Variants in B4GALT5 observed in about 807,000 individuals in gnomAD.
The protein encoded by B4GALT5 is beta-1,4-galactosyltransferase 5.
A neutral mutation model predicts 45.0 loss-of-function variants in B4GALT5; 11 were observed. The ratio of observed to expected loss-of-function variants is 0.24; its 90% CI spans 0.15 to 0.40. The LOEUF (loss-of-function observed/expected upper bound fraction) is 0.40. Among genes scored for constraint, B4GALT5 ranks in the 10% least tolerant of loss-of-function variants. The pLI is 1.00. For missense variants in B4GALT5, 337 were observed against 500.2 expected (o/e 0.67, Z 3.11); for synonymous variants, 185 against 182.9 (o/e 1.01, Z -0.09).
At chr20:49,685,471 G>C (rs970929258) in intron 1 of B4GALT5, among the ~76,000 whole-genome samples, 3 of 152,128 alleles carry the variant, frequency 2.0e-5, no homozygotes, top group African/African-American at 7.2e-5. Flanking sequence ...CAACTGCTGA[G>C]CCTCAAAAGT....
chr20:49,644,105 T>G (rs1457562825), intron 3 of B4GALT5, among the ~76,000 whole-genome samples: 1 of 151,954 alleles, frequency 6.6e-6, no homozygotes, highest in Non-Finnish European at 1.5e-5. Flanking sequence ...TTTTGTATTT[T>G]TAGTAGAGAT....
At chr20:49,661,119 G>C (rs1248950544) in intron 1 of B4GALT5, among the ~76,000 whole-genome samples, 1 of 152,206 alleles carries the variant, frequency 6.6e-6, no homozygotes, top group Admixed American at 6.5e-5. Context: ...GTTTATTTTA[G>C]ATTAGGAAGT....
At chr20:49,656,441 A>G (rs1250838686) in intron 2 of B4GALT5, 127 bp downstream of exon 2, 3 of 1,216,342 alleles carry the variant, frequency 2.5e-6, no homozygotes, top group African/African-American at 1.5e-5. Context: ...TTTTAGCAGT[A>G]AAGTAAAACT....
intron 1 of B4GALT5, among the ~76,000 whole-genome samples, chr20:49,670,615 G>A (rs1245705098): frequency 2.0e-5 from 3 of 152,148 alleles, no homozygotes; most frequent in African/African-American, 7.2e-5. Flanking sequence ...CTTCAACACT[G>A]AACTGCTATC....
intron 1 of B4GALT5, among the ~76,000 whole-genome samples, chr20:49,678,669 A>T (rs74535026): frequency 2.0e-5 from 3 of 152,342 alleles, no homozygotes; most frequent in African/African-American, 7.2e-5. Flanking sequence ...ACATTCTCTC[A>T]AACTTCCTCC....
intron 1 of B4GALT5, among the ~76,000 whole-genome samples, chr20:49,676,465 G>A (rs117301332): frequency 1.3e-5 from 2 of 152,278 alleles, no homozygotes; most frequent in Non-Finnish European, 2.9e-5. Flanking sequence ...ATTTATGCTA[G>A]GAGCAGAAAT....
At chr20:49,702,648 A>T in intron 1 of B4GALT5, among the ~76,000 whole-genome samples, 1 of 152,048 alleles carries the variant, frequency 6.6e-6, no homozygotes, top group Non-Finnish European at 1.5e-5. Context: ...TCAGTCCACG[A>T]GTTTGAGACC....
chr20:49,676,931 C>T (rs2085739905), intron 1 of B4GALT5, among the ~76,000 whole-genome samples: 1 of 152,204 alleles, frequency 6.6e-6, no homozygotes, highest in African/African-American at 2.4e-5. Context: ...TGTATTCCAC[C>T]TATGTAATCA....
chr20:49,643,544 A>C lies in B4GALT5; in HGVS notation c.471T>G (p.Asp157Glu). The C allele has an allele frequency of 6.2e-7, 1 of 1,614,048 alleles. No individual in the cohort carries two copies. The highest frequency in any genetic ancestry group is 1.1e-5 in the South Asian group (1 of 91,064). The change falls in exon 4 of 9, where the codon GAT (aspartate) becomes GAG (glutamate). Residue 157 changes from aspartate to glutamate, a missense_variant. Physicochemically the swap from Asp to Glu is conservative, Grantham distance 45 (BLOSUM62 2). This residue lies in a region of B4GALT5 where 174 missense variants were observed against 207.4 expected (regional missense o/e 0.84). Transcript: ENST00000371711. Reference sequence around the variant, plus strand: ...ACCCTACCTTCCACCGAGGCATGCAATCAGAAGGCTTCCAGTGACCTCCGA... The same window carrying C: ...ACCCTACCTTCCACCGAGGCATGCACTCAGAAGGCTTCCAGTGACCTCCGA... ...IKLGGHWKPS[D>E]CMPRWKVAIL...
Position 49,689,396 on chromosome 20 carries a change from C to T in B4GALT5, c.115+24180G>A, listed in dbSNP as rs1212786925. Among the ~76,000 whole-genome samples the T allele has an allele frequency of 2.0e-5, 3 of 152,248 alleles. No individual in the cohort carries two copies. In the East Asian group the frequency reaches 5.8e-4, roughly 29 times the overall value. The stretch of plus-strand genomic sequence containing the variant: ...TGATTCAATGGATCCGTTTCTGCCC[C>T]GTGGGAACTACAATTTCACAGATAC... On this transcript the variant is annotated intron_variant, in intron 1 of 8. Transcript: ENST00000371711.
chr20:49,652,404 G>C (rs1455420541), intron 2 of B4GALT5, among the ~76,000 whole-genome samples: 1 of 151,456 alleles, frequency 6.6e-6, no homozygotes, highest in Non-Finnish European at 1.5e-5. Flanking sequence ...ATATATACTA[G>C]AAAGATGCCA....
At chr20:49,661,751 G>A (rs1161900010) in intron 1 of B4GALT5, among the ~76,000 whole-genome samples, 1 of 152,206 alleles carries the variant, frequency 6.6e-6, no homozygotes, top group Non-Finnish European at 1.5e-5. Context: ...CTGAATAGAT[G>A]AGTAATGTAT....
At position 49,634,194 on chromosome 20, in the gene B4GALT5, C is replaced by G. The variant is rs1412983490; in HGVS notation, c.*2118G>C. 1 of 152,320 alleles carries G rather than the reference C, an allele frequency of 6.6e-6. No homozygotes were observed. The highest frequency in any genetic ancestry group is 6.6e-5 in the Admixed American group (1 of 15,234). 9.4% of individuals were successfully genotyped at this position (152,320 alleles called of 1,614,324 possible). A position where few individuals can be genotyped will look rare whatever the true frequency, so the allele number is the denominator to read the frequency against. ...TCTATTCTTCAAAAGAACAAAAACACAAACAAACAAACAAACAAAACAAGG... is the reference window on the plus strand; with the variant it reads ...TCTATTCTTCAAAAGAACAAAAACAGAAACAAACAAACAAACAAAACAAGG... On this transcript the variant is annotated 3_prime_UTR_variant, in exon 9 of 9. Coordinates refer to ENST00000371711, the MANE Select transcript of B4GALT5 (RefSeq NM_004776.4).
chr20:49,673,390 C>A (rs2085724165), intron 1 of B4GALT5, among the ~76,000 whole-genome samples: 1 of 142,900 alleles, frequency 7.0e-6, no homozygotes. Flanking sequence ...AAAAAAAAAA[C>A]AACCAGAAAA....
intron 1 of B4GALT5, among the ~76,000 whole-genome samples, chr20:49,662,576 T>G (rs1168741668): frequency 6.6e-6 from 1 of 152,190 alleles, no homozygotes; most frequent in East Asian, 1.9e-4. Flanking sequence ...CCCTTCTCTT[T>G]ATTTTGCATT....
At chr20:49,647,690 C>T (rs2085604924) in intron 2 of B4GALT5, among the ~76,000 whole-genome samples, 1 of 152,206 alleles carries the variant, frequency 6.6e-6, no homozygotes, top group Non-Finnish European at 1.5e-5. Flanking sequence ...TTTCTGTTTG[C>T]TCAGTTTTAT....
intron 2 of B4GALT5, among the ~76,000 whole-genome samples, chr20:49,650,058 A>C (rs1293486125): frequency 1.3e-5 from 2 of 152,222 alleles, no homozygotes. Context: ...AACATGAGGC[A>C]AGAGACAAGA....
intron 1 of B4GALT5, among the ~76,000 whole-genome samples, chr20:49,668,321 C>T (rs376278995): frequency 6.6e-6 from 1 of 152,036 alleles, no homozygotes; most frequent in African/African-American, 2.4e-5. Flanking sequence ...AATTATTAAA[C>T]TGTACATAAG....
At position 49,636,364 on chromosome 20, in the gene B4GALT5, T is replaced by G; in HGVS notation, c.1115A>C (p.Lys372Thr). 1.2e-6 allele frequency: 2 copies of G among 1,614,218 alleles called. No individual in the cohort carries two copies. Among genetic ancestry groups the G allele is most frequent in the Non-Finnish European group, 1.7e-6 (2 of 1,180,036 alleles). The change falls in exon 9 of 9, where the codon AAA becomes ACA. Residue 372 changes from lysine (K) to threonine (T), a missense_variant. By Grantham distance (78) the Lys-to-Thr change is moderately conservative. Coordinates refer to ENST00000371711, the MANE Select transcript of B4GALT5 (RefSeq NM_004776.4). ...GGGTGTCAGGTTGACAGTTATGTTT[T>G]TATACAAGGCGTCGTATGTGATGTT... ...FANITYDALY[K>T]NITVNLTPEL...
Sources: allele counts gnomAD v4.1 joint callset (sites outside exome capture counted in the v4.1 genomes callset), GRCh38; gene constraint gnomAD v4.1.1; regional missense constraint gnomAD v4.1.1; transcripts MANE v1.5; gene names NCBI Gene and HGNC (gene_info 2026-07-23, HGNC 2026-07-21).